CUX1: variants seen among roughly 807,000 people sequenced by gnomAD.
CUX1 encodes the protein cut like homeobox 1, also known as protein CASP.
In CUX1, 31 loss-of-function variants were observed where a neutral mutation model predicts 158.8. The observed-to-expected ratio is 0.20, with a 90% CI of 0.15 to 0.26. The LOEUF (loss-of-function observed/expected upper bound fraction) is 0.26, where lower values mean the gene tolerates loss of function less well. Ranked by LOEUF, CUX1 falls within the 10% of genes least tolerant of loss-of-function variation. The pLI is 1.00. For missense variants in CUX1, 1,589 were observed against 2,014.6 expected, an observed-to-expected ratio of 0.79 and a Z score of 4.04; for synonymous variants, 879 against 862.1, an observed-to-expected ratio of 1.02 and a Z score of -0.34.
intron 1 of CUX1, among the ~76,000 whole-genome samples, chr7:101,834,519 G>A (rs1794416363): frequency 6.6e-6 from 1 of 152,136 alleles, no homozygotes; most frequent in Admixed American, 6.6e-5. Flanking sequence ...ACATTTGCAT[G>A]CACAGTGAGT....
At chr7:102,233,556 G>A (rs1215857014) in intron 21 of CUX1, among the ~76,000 whole-genome samples, 2 of 152,148 alleles carry the variant, frequency 1.3e-5, no homozygotes, top group African/African-American at 4.8e-5. Context: ...GGAGGCTGAT[G>A]GGGGTGGATC....
chr7:102,202,050 C>A lies in CUX1; in HGVS notation c.2753C>A (p.Pro918His). ...CCCCTGCCATCCTCCCCGATCGTGCCCATGTCCAAGCCCACCAAGCCCTCG... is the reference window on the plus strand; with the variant it reads ...CCCCTGCCATCCTCCCCGATCGTGCACATGTCCAAGCCCACCAAGCCCTCG... ...NSPLPSSPIV[P>H]MSKPTKPSVP... is the part of the protein sequence containing the mutation. The change falls in exon 18 of 24, where the codon CCC becomes CAC. Residue 918 changes from proline to histidine, a missense_variant. This residue lies in a region of CUX1 where 337 missense variants were observed against 409.3 expected (regional missense o/e 0.82). Coordinates refer to ENST00000292535, the MANE Select transcript of CUX1 (RefSeq NM_181552.4). 2.5e-6 allele frequency: 4 copies of A among 1,614,152 alleles called. No homozygotes were observed. The highest frequency in any genetic ancestry group is 3.4e-6 in the Non-Finnish European group (4 of 1,180,018).
In CUX1 at chr7:102,249,625, A is replaced by G; in HGVS notation, c.*583A>G. ...AAAGGGGGCTTTTTATCTGCCATCT[A>G]ATGGCTTCAGAGCGATAATACACTA... On this transcript the variant is annotated 3_prime_UTR_variant, in exon 24 of 24. Coordinates refer to ENST00000292535, the MANE Select transcript of CUX1 (RefSeq NM_181552.4). 1.0e-6 allele frequency: 1 copy of G among 985,720 alleles called. No homozygotes were observed. Among genetic ancestry groups the G allele is most frequent in the East Asian group, 1.1e-4 (1 of 8,806 alleles). The allele number at this position is 985,720 out of a possible 1,614,324, so 61.1% of individuals were successfully genotyped here.
At chr7:102,283,423 A>G (rs1284945072) in exon 23 of CUX1, 2 of 340,134 alleles carry the variant, frequency 5.9e-6, no homozygotes, top group East Asian at 5.4e-5. Context: ...TAATTGGGTG[A>G]CCACCGATTC....
Position 102,050,050 on chromosome 7 carries a change from G to C in CUX1, c.190-20289G>C, listed in dbSNP as rs78489474. On this transcript the variant is annotated intron_variant, in intron 3 of 23. Coordinates refer to ENST00000292535, the MANE Select transcript of CUX1 (RefSeq NM_181552.4). ...CCCCTGATAGGAGCAGACTCCCGGG[G>C]TGTAGACACTGCTTCCCTTTTCACA... Among the ~76,000 whole-genome samples, 3 of 152,140 alleles carry C rather than the reference G, an allele frequency of 2.0e-5. No individual in the cohort carries two copies. The East Asian group carries it at 5.8e-4, about 29-fold the overall frequency.
chr7:102,115,096 G>T, intron 7 of CUX1, 111 bp from the exon 8 acceptor site: 2 of 864,602 alleles, frequency 2.3e-6, no homozygotes, highest in Non-Finnish European at 3.7e-6. Flanking sequence ...ATTTTTCCAC[G>T]CACCTCGCTC....
chr7:102,045,318 T>C (rs1014930216), intron 3 of CUX1, among the ~76,000 whole-genome samples: 2 of 152,210 alleles, frequency 1.3e-5, no homozygotes, highest in African/African-American at 4.8e-5. Flanking sequence ...TGAGGCTAAG[T>C]CCATGATCTA....
intron 3 of CUX1, among the ~76,000 whole-genome samples, chr7:102,052,417 A>G (rs1271636949): frequency 1.3e-5 from 2 of 152,202 alleles, no homozygotes; most frequent in Non-Finnish European, 2.9e-5. Flanking sequence ...TCTTTTACTT[A>G]ACCATGGTTT....
intron 23 of CUX1, 74 bp downstream of exon 23, chr7:102,239,658 C>A: frequency 6.6e-7 from 1 of 1,524,242 alleles, no homozygotes; most frequent in Non-Finnish European, 8.8e-7. Context: ...GCCGCCATGG[C>A]GCACAGGGGT....
rs1383842466 is a variant in CUX1 at position 101,984,125 on chromosome 7, TATATACAC to T, written c.142-43971_142-43964del. The stretch of plus-strand genomic sequence containing the variant: ...ATATATATATATATATATATATATA[TATATACAC>T]ACACACATATATATATGTGTGTGTG... On this transcript the variant is annotated intron_variant, in intron 2 of 23. Coordinates refer to ENST00000292535, the MANE Select transcript of CUX1 (RefSeq NM_181552.4). Among the ~76,000 whole-genome samples the T allele has an allele frequency of 1.4e-3, 45 of 31,896 alleles. 1 individual carries two copies. The highest frequency in any genetic ancestry group is 3.9e-3 in the African/African-American group (38 of 9,664). 20.9% of individuals were successfully genotyped at this position (31,896 alleles called of 152,430 possible).
intron 2 of CUX1, among the ~76,000 whole-genome samples, chr7:102,020,338 G>A (rs1293543372): frequency 1.1e-4 from 17 of 152,182 alleles, no homozygotes; most frequent in Non-Finnish European, 2.5e-4. Flanking sequence ...GACGGTTTCA[G>A]TATCCTGGAA....
rs1003344826 is a variant in CUX1 at position 102,209,203 on chromosome 7, G to A, written c.3130+4033G>A. On this transcript the variant is annotated intron_variant, in intron 20 of 23. Transcript: ENST00000292535. The stretch of plus-strand genomic sequence containing the variant: ...GCTCTGTTGCCTTGTCTGTCCTTCC[G>A]TTTTCCTTAATGACTTAGACGCCAA... Among the ~76,000 whole-genome samples, 8 of 152,208 alleles carry A rather than the reference G, an allele frequency of 5.3e-5. No individual in the cohort carries two copies. In the South Asian group the frequency reaches 6.2e-4, roughly 12 times the overall value.
At chr7:101,837,041 A>G (rs549571663) in intron 1 of CUX1, among the ~76,000 whole-genome samples, 1 of 152,150 alleles carries the variant, frequency 6.6e-6, no homozygotes, top group South Asian at 2.1e-4. Flanking sequence ...GAGATGGAAG[A>G]GCATTCTGAA....
In CUX1 at chr7:102,196,626, C is replaced by T; in HGVS notation, c.1223-8C>T. ...CCCATAATGCATTCTGTTTGCCCTT[C>T]CTTGTAGGGTCAGCCAGGAGGAAAG... is the stretch of plus-strand genomic sequence containing the variant. On this transcript the variant is annotated splice_polypyrimidine_tract_variant and splice_region_variant and intron_variant, in intron 14 of 23. Coordinates refer to ENST00000292535, the MANE Select transcript of CUX1 (RefSeq NM_181552.4). 4.6e-6 allele frequency: 7 copies of T among 1,528,726 alleles called. No homozygotes were observed. Among genetic ancestry groups the T allele is most frequent in the Non-Finnish European group, 5.3e-6 (6 of 1,139,050 alleles). The allele number at this position is 1,528,726 out of a possible 1,614,324, so 94.7% of individuals were successfully genotyped here. A position where few individuals can be genotyped will look rare whatever the true frequency, so the allele number is the denominator to read the frequency against.
chr7:101,952,013 T>C (rs953612342), intron 2 of CUX1, among the ~76,000 whole-genome samples: 1 of 152,218 alleles, frequency 6.6e-6, no homozygotes, highest in African/African-American at 2.4e-5. Flanking sequence ...TCAGGCCCAT[T>C]TGAACTCCTG....
rs386410843 is a variant in CUX1 at position 101,946,544 on chromosome 7, CAAAAAAAAAAA to C, written c.141+30330_141+30340del. Among the ~76,000 whole-genome samples the C allele has an allele frequency of 1.7e-4, 13 of 78,170 alleles. No individual in the cohort carries two copies. The East Asian group carries it at 5.0e-3, about 30-fold the overall frequency. The allele number at this position is 78,170 out of a possible 152,430, so 51.3% of individuals were successfully genotyped here. ...GTGTGACAAGAGCGAGACTCCGTCT[CAAAAAAAAAAA>C]AAAAAAAAAAGAGAGAAGGGTTTCC... On this transcript the variant is annotated intron_variant, in intron 2 of 23. Transcript: ENST00000292535.
chr7:101,977,127 G>A (rs1047655708), intron 2 of CUX1, among the ~76,000 whole-genome samples: 6 of 151,768 alleles, frequency 4.0e-5, no homozygotes, highest in African/African-American at 1.2e-4. Context: ...TGGCCAGGCT[G>A]GTCTTGAACT....
At chr7:102,030,219 T>G (rs1333078112) in intron 3 of CUX1, among the ~76,000 whole-genome samples, 1 of 152,058 alleles carries the variant, frequency 6.6e-6, no homozygotes, top group Non-Finnish European at 1.5e-5. Context: ...ATCATACTGG[T>G]CAGGCTGGTC....
chr7:102,096,316 C>T (rs1336182960), intron 4 of CUX1, among the ~76,000 whole-genome samples: 5 of 151,610 alleles, frequency 3.3e-5, no homozygotes, highest in African/African-American at 9.7e-5. Flanking sequence ...GAAGGAGGAT[C>T]GTAATGGAAA....
Sources: gnomAD v4.1 joint callset for allele counts (sites outside exome capture counted in the v4.1 genomes callset) on GRCh38, gnomAD v4.1.1 for gene constraint, gnomAD v4.1.1 regional missense constraint, MANE v1.5 for transcripts, NCBI Gene and HGNC (gene_info 2026-07-23, HGNC 2026-07-21) for gene names.